Variants in COX7B2 observed in about 807,000 individuals in gnomAD.
The protein encoded by COX7B2 is cytochrome c oxidase subunit 7B2, mitochondrial.
For synonymous variants in COX7B2, 37 were observed against 32.1 expected (o/e 1.15, Z -0.51); for missense variants, 109 against 95.9 (o/e 1.14, Z -0.57).
At chr4:46,742,318 A>T (rs1028075523) in intron 2 of COX7B2, among the ~76,000 whole-genome samples, 2 of 152,008 alleles carry the variant, frequency 1.3e-5, no homozygotes, top group Non-Finnish European at 2.9e-5. Flanking sequence ...ATCAATGCAA[A>T]ATAAGAAACA....
chr4:46,823,291 T>C (rs1227500093), intron 2 of COX7B2, among the ~76,000 whole-genome samples: 2 of 151,472 alleles, frequency 1.3e-5, no homozygotes, highest in African/African-American at 4.8e-5. Flanking sequence ...TTATATATTA[T>C]ATTAGTATAT....
chr4:46,781,002 C>A (rs953563992), intron 2 of COX7B2, among the ~76,000 whole-genome samples: 12 of 152,114 alleles, frequency 7.9e-5, no homozygotes, highest in African/African-American at 2.9e-4. Flanking sequence ...GTGTCTACAG[C>A]TGGTAATGGA....
intron 1 of COX7B2, among the ~76,000 whole-genome samples, chr4:46,904,582 A>G (rs1200269818): frequency 6.6e-6 from 1 of 152,200 alleles, no homozygotes; most frequent in Non-Finnish European, 1.5e-5. Context: ...ATCTCACACC[A>G]TAAGAAGAAT....
chr4:46,865,427 G>C (rs970289231), intron 1 of COX7B2, among the ~76,000 whole-genome samples: 2 of 152,194 alleles, frequency 1.3e-5, no homozygotes, highest in Non-Finnish European at 2.9e-5. Flanking sequence ...ATATGTGCAA[G>C]TATCTTTTTC....
intron 2 of COX7B2, among the ~76,000 whole-genome samples, chr4:46,735,859 G>A (rs902775641): frequency 1.3e-5 from 2 of 152,006 alleles, no homozygotes; most frequent in African/African-American, 2.4e-5. Flanking sequence ...TTTTTAAATA[G>A]AAATATTTTG....
chr4:46,813,514 A>G (rs1035721410), intron 2 of COX7B2, among the ~76,000 whole-genome samples: 4 of 152,192 alleles, frequency 2.6e-5, no homozygotes, highest in Non-Finnish European at 5.9e-5. Flanking sequence ...ATGAAAACAC[A>G]TGGACACAGG....
intron 2 of COX7B2, among the ~76,000 whole-genome samples, chr4:46,791,174 A>ATTT (rs34287708): frequency 6.8e-5 from 9 of 132,520 alleles, no homozygotes; most frequent in Non-Finnish European, 1.1e-4. Flanking sequence ...AATTTTTTGT[A>ATTT]TTTTTTTTTT....
At chr4:46,771,911 A>G (rs1451645405) in intron 2 of COX7B2, among the ~76,000 whole-genome samples, 2 of 152,154 alleles carry the variant, frequency 1.3e-5, no homozygotes, top group Admixed American at 1.3e-4. Flanking sequence ...TCCTTTGAGT[A>G]TCATGTTGGT....
At chr4:46,780,053 G>T (rs1000911976) in intron 2 of COX7B2, among the ~76,000 whole-genome samples, 2 of 152,042 alleles carry the variant, frequency 1.3e-5, no homozygotes, top group African/African-American at 2.4e-5. Context: ...AAACTTTGTT[G>T]TATAACTTAA....
intron 2 of COX7B2, among the ~76,000 whole-genome samples, chr4:46,806,635 T>C (rs1719009744): frequency 6.6e-6 from 1 of 152,100 alleles, no homozygotes; most frequent in Non-Finnish European, 1.5e-5. Context: ...TATCTACTTA[T>C]TCATCATACA....
At chr4:46,745,478 G>A (rs1454133844) in intron 2 of COX7B2, among the ~76,000 whole-genome samples, 1 of 152,016 alleles carries the variant, frequency 6.6e-6, no homozygotes. Context: ...TAACATTTTG[G>A]AGACTTTAAA....
intron 2 of COX7B2, among the ~76,000 whole-genome samples, chr4:46,753,890 C>G (rs1715576589): frequency 6.6e-6 from 1 of 152,032 alleles, no homozygotes; most frequent in Non-Finnish European, 1.5e-5. Flanking sequence ...ACCCCATCAA[C>G]AAGTAGGCAG....
chr4:46,867,236 G>T (rs1198156189), intron 1 of COX7B2, among the ~76,000 whole-genome samples: 1 of 152,186 alleles, frequency 6.6e-6, no homozygotes, highest in African/African-American at 2.4e-5. Flanking sequence ...ACACTCATAA[G>T]ATCAGCAGGA....
chr4:46,885,453 G>A (rs1314045109), intron 1 of COX7B2, among the ~76,000 whole-genome samples: 3 of 152,032 alleles, frequency 2.0e-5, no homozygotes, highest in Admixed American at 6.6e-5. Context: ...ATATAAACAA[G>A]TTCCAAATGA....
chr4:46,741,998 G>A (rs1299008138), intron 2 of COX7B2, among the ~76,000 whole-genome samples: 1 of 152,078 alleles, frequency 6.6e-6, no homozygotes, highest in East Asian at 1.9e-4. Context: ...ATAAAAAGAA[G>A]CATTTTAGGA....
intron 2 of COX7B2, among the ~76,000 whole-genome samples, chr4:46,829,420 G>T (rs1320498382): frequency 6.6e-6 from 1 of 152,062 alleles, no homozygotes; most frequent in Non-Finnish European, 1.5e-5. Context: ...TAAGAAAATT[G>T]TTGATACAAC....
chr4:46,744,024 A>T (rs916502907), intron 2 of COX7B2, among the ~76,000 whole-genome samples: 2 of 152,188 alleles, frequency 1.3e-5, no homozygotes, highest in Non-Finnish European at 2.9e-5. Context: ...AGCCTTCATT[A>T]TATGATTCTA....
At chr4:46,819,065 T>C (rs1190375018) in intron 2 of COX7B2, among the ~76,000 whole-genome samples, 1 of 152,228 alleles carries the variant, frequency 6.6e-6, no homozygotes, top group African/African-American at 2.4e-5. Flanking sequence ...CACAATCACC[T>C]CGAATTTTGC....
intron 2 of COX7B2, among the ~76,000 whole-genome samples, chr4:46,832,606 G>A (rs956244745): frequency 6.6e-6 from 1 of 152,164 alleles, no homozygotes; most frequent in African/African-American, 2.4e-5. Context: ...ATGGTGAAAT[G>A]TGATTCCCAA....
Sources: gnomAD v4.1 joint callset for allele counts (sites outside exome capture counted in the v4.1 genomes callset) on GRCh38, gnomAD v4.1.1 for gene constraint, MANE v1.5 for transcripts, NCBI Gene and HGNC (gene_info 2026-07-23, HGNC 2026-07-21) for gene names.